The following EXT2 variants were observed in gnomAD, a reference collection of about 807,000 sequenced individuals.
The protein encoded by EXT2 is exostosin glycosyltransferase 2.
EXT2 carries 53 observed loss-of-function variants against 81.6 expected under a neutral mutation model. The observed-to-expected ratio is 0.65, with a 90% CI of 0.52 to 0.82. The LOEUF is 0.82. EXT2 is among the 40% of genes least tolerant of loss of function. The pLI, the probability that EXT2 is intolerant of heterozygous loss-of-function variation, is 0.00. For missense variants in EXT2, 774 were observed against 910.2 expected, an observed-to-expected ratio of 0.85 and a Z score of 1.93; for synonymous variants, 320 against 340.0, an observed-to-expected ratio of 0.94 and a Z score of 0.65.
At chr11:44,118,448 A>C (rs1007477948) in intron 4 of EXT2, among the ~76,000 whole-genome samples, 3 of 152,214 alleles carry the variant, frequency 2.0e-5, no homozygotes, top group Admixed American at 6.5e-5. Flanking sequence ...TTTTACACTG[A>C]ACATAATGTA....
intron 10 of EXT2, among the ~76,000 whole-genome samples, chr11:44,224,472 C>T (rs932646837): frequency 6.6e-6 from 1 of 151,472 alleles, no homozygotes; most frequent in Non-Finnish European, 1.5e-5. Flanking sequence ...TTAGTTTTGC[C>T]TTTTATTATA....
chr11:44,099,811 T>C (rs1212580381), intron 1 of EXT2, among the ~76,000 whole-genome samples: 1 of 152,244 alleles, frequency 6.6e-6, no homozygotes, highest in African/African-American at 2.4e-5. Context: ...AGATCCTCTC[T>C]CTGTAAAGCA....
intron 3 of EXT2, among the ~76,000 whole-genome samples, chr11:44,113,059 G>C (rs557209112): frequency 2.6e-5 from 4 of 152,188 alleles, no homozygotes; most frequent in Non-Finnish European, 5.9e-5. Context: ...AAATAAGACC[G>C]TATGTTGGTA....
chr11:44,221,234 G>A (rs1429673599), intron 10 of EXT2, among the ~76,000 whole-genome samples: 1 of 152,082 alleles, frequency 6.6e-6, no homozygotes, highest in Admixed American at 6.5e-5. Flanking sequence ...CCCTAGTGAG[G>A]AAAGAGCCCT....
chr11:44,189,326 A>G (rs1955360485), intron 8 of EXT2, among the ~76,000 whole-genome samples: 2 of 152,090 alleles, frequency 1.3e-5, no homozygotes, highest in African/African-American at 2.4e-5. Context: ...GGTCAGTGAG[A>G]TTTGGCCTTC....
At chr11:44,162,766 G>A (rs1457815430) in intron 7 of EXT2, among the ~76,000 whole-genome samples, 2 of 152,030 alleles carry the variant, frequency 1.3e-5, no homozygotes, top group African/African-American at 4.8e-5. Context: ...GTAACTGATA[G>A]GTGAAGATGG....
chr11:44,143,696 G>A (rs1267935771), intron 7 of EXT2, among the ~76,000 whole-genome samples: 1 of 152,146 alleles, frequency 6.6e-6, no homozygotes, highest in African/African-American at 2.4e-5. Flanking sequence ...GAGGACTCAT[G>A]TGCCTCTGGT....
At position 44,108,243 on chromosome 11, in the gene EXT2, C is replaced by G. The variant is rs1186482759; in HGVS notation, c.531C>G (p.Leu177=). The stretch of plus-strand genomic sequence containing the variant: ...AGACAGCACAAGCGATGGCCCAGCT[C>G]TCTAGGTATCTCACACTCATACAGC... ...IKETAQAMAQ[L]SRWDRGTNHL... Residue 177 remains leucine (L), a synonymous_variant, in exon 2 of 14, where the codon CTC becomes CTG. Transcript: ENST00000533608. 1.9e-6 allele frequency: 3 copies of G among 1,611,814 alleles called. No individual in the cohort carries two copies. The Middle Eastern group carries it at 5.0e-4, about 266-fold the overall frequency.
chr11:44,182,056 TA>T (rs1955243413), intron 8 of EXT2, among the ~76,000 whole-genome samples: 1 of 152,158 alleles, frequency 6.6e-6, no homozygotes, highest in African/African-American at 2.4e-5. Context: ...AAAGGATGGA[TA>T]ATAATTCTGG....
intron 8 of EXT2, among the ~76,000 whole-genome samples, chr11:44,193,480 A>G (rs1955418191): frequency 6.6e-6 from 1 of 152,244 alleles, no homozygotes; most frequent in Admixed American, 6.5e-5. Context: ...ATTTTTATAG[A>G]CAGAGAAACT....
intron 7 of EXT2, among the ~76,000 whole-genome samples, chr11:44,165,255 C>G (rs536474783): frequency 5.9e-5 from 9 of 152,334 alleles, no homozygotes; most frequent in Admixed American, 2.6e-4. Context: ...TTTGCATTTG[C>G]TCTCTGGATG....
intron 10 of EXT2, among the ~76,000 whole-genome samples, chr11:44,211,022 G>A (rs1955641187): frequency 6.6e-6 from 1 of 152,186 alleles, no homozygotes; most frequent in Non-Finnish European, 1.5e-5. Context: ...GAAGAACAAA[G>A]TTGCAGGACT....
chr11:44,121,399 C>T (rs1954314291), intron 4 of EXT2, among the ~76,000 whole-genome samples: 1 of 152,102 alleles, frequency 6.6e-6, no homozygotes, highest in South Asian at 2.1e-4. Flanking sequence ...ATATTGAAAA[C>T]CATGCATTCA....
At chr11:44,144,568 C>T (rs1359708753) in intron 7 of EXT2, among the ~76,000 whole-genome samples, 1 of 152,194 alleles carries the variant, frequency 6.6e-6, no homozygotes, top group Non-Finnish European at 1.5e-5. Context: ...CTAGGGACCT[C>T]ACCTCACAGC....
chr11:44,176,697 A>T (rs1157634160), intron 8 of EXT2, among the ~76,000 whole-genome samples: 1 of 152,092 alleles, frequency 6.6e-6, no homozygotes, highest in African/African-American at 2.4e-5. Context: ...TATGAGCCCA[A>T]CCTGCAGGGG....
chr11:44,139,983 C>T (rs1428073829), intron 7 of EXT2, among the ~76,000 whole-genome samples: 1 of 152,154 alleles, frequency 6.6e-6, no homozygotes, highest in Non-Finnish European at 1.5e-5. Context: ...AGGTGAAAGA[C>T]TAGCAAGATA....
intron 4 of EXT2, among the ~76,000 whole-genome samples, chr11:44,119,149 T>TATATATATAC (rs1954273042): frequency 3.8e-5 from 2 of 53,018 alleles, no homozygotes; most frequent in Non-Finnish European, 4.1e-5. Flanking sequence ...TATATATATA[T>TATATATATAC]ATATATATAT....
Position 44,244,516 on chromosome 11 carries a change from G to A in EXT2, c.*229G>A. ...TTGTATTTCTTATGATCTCTGATGG[G>A]TTCTTCTCGAAAATGCCAAGTGGAA... On this transcript the variant is annotated 3_prime_UTR_variant, in exon 14 of 14. Coordinates refer to ENST00000533608, the MANE Select transcript of EXT2 (RefSeq NM_207122.2). 5.6e-6 allele frequency: 3 copies of A among 537,840 alleles called. No individual in the cohort carries two copies. The highest frequency in any genetic ancestry group is 1.0e-5 in the Non-Finnish European group (3 of 298,140). The allele number at this position is 537,840 out of a possible 1,614,324, so 33.3% of individuals were successfully genotyped here. A position where few individuals can be genotyped will look rare whatever the true frequency, so the allele number is the denominator to read the frequency against.
intron 10 of EXT2, among the ~76,000 whole-genome samples, chr11:44,222,225 A>T (rs1955789610): frequency 6.6e-6 from 1 of 152,110 alleles, no homozygotes; most frequent in Admixed American, 6.5e-5. Flanking sequence ...CCACATGTTG[A>T]CACTCTGTGC....
Sources: gnomAD v4.1 joint callset for allele counts (sites outside exome capture counted in the v4.1 genomes callset) on GRCh38, gnomAD v4.1.1 for gene constraint, MANE v1.5 for transcripts, NCBI Gene and HGNC (gene_info 2026-07-23, HGNC 2026-07-21) for gene names.